The following MTUS2 variants were observed in gnomAD, a reference collection of about 807,000 sequenced individuals.
The protein encoded by MTUS2 is microtubule associated scaffold protein 2.
A neutral mutation model predicts 114.1 loss-of-function variants in MTUS2; 40 were observed. The ratio of observed to expected loss-of-function variants is 0.35; its 90% CI spans 0.27 to 0.46. The LOEUF is 0.46. MTUS2 is among the 20% of genes least tolerant of loss of function. The pLI is 1.00. For synonymous variants in MTUS2, 688 were observed against 672.0 expected, an observed-to-expected ratio of 1.02 and a Z score of -0.37; for missense variants, 1,679 against 1,705.4, an observed-to-expected ratio of 0.98 and a Z score of 0.27.
rs897033234 is a variant in MTUS2, at chr13:29,359,248, T to A, written c.2906-14T>A. Reference sequence around the variant, plus strand: ...TTTTCACAGGTGACCGGGGTTTGGTTTTCTTTCTCACAGGATACCCAAAGC... The same window carrying A: ...TTTTCACAGGTGACCGGGGTTTGGTATTCTTTCTCACAGGATACCCAAAGC... On this transcript the variant is annotated splice_polypyrimidine_tract_variant and intron_variant, in intron 7 of 15. Coordinates refer to ENST00000612955, the MANE Select transcript of MTUS2 (RefSeq NM_001033602.4). The A allele has an allele frequency of 1.3e-6, 2 of 1,580,532 alleles. No homozygotes were observed. The highest frequency in any genetic ancestry group is 1.7e-6 in the Non-Finnish European group (2 of 1,162,582).
intron 9 of MTUS2, among the ~76,000 whole-genome samples, chr13:29,444,032 T>G (rs1233893479): frequency 6.6e-6 from 1 of 152,206 alleles, no homozygotes; most frequent in African/African-American, 2.4e-5. Context: ...TTAAACTGTT[T>G]CATATCCATT....
chr13:29,082,171 A>G (rs1889473121), intron 4 of MTUS2, among the ~76,000 whole-genome samples: 1 of 152,220 alleles, frequency 6.6e-6, no homozygotes, highest in Non-Finnish European at 1.5e-5. Context: ...GGACACAGCA[A>G]TAAAGCTGCC....
chr13:29,311,920 A>G (rs776465714), intron 6 of MTUS2, among the ~76,000 whole-genome samples: 2 of 152,286 alleles, frequency 1.3e-5, no homozygotes, highest in Non-Finnish European at 2.9e-5. Flanking sequence ...GTGAAGTGGG[A>G]CATCATAGAG....
chr13:29,022,307 C>T (rs866102232), intron 2 of MTUS2, among the ~76,000 whole-genome samples: 19 of 152,154 alleles, frequency 1.2e-4, no homozygotes, highest in Admixed American at 1.0e-3. Context: ...ATGAGGATGG[C>T]TGCAAGGTGT....
chr13:28,976,352 T>C (rs1884106338), intron 2 of MTUS2, among the ~76,000 whole-genome samples: 1 of 152,128 alleles, frequency 6.6e-6, no homozygotes, highest in South Asian at 2.1e-4. Context: ...CAGTTTGATA[T>C]TACTAAATTA....
chr13:29,066,942 A>T (rs1888692659), intron 4 of MTUS2, among the ~76,000 whole-genome samples: 1 of 152,222 alleles, frequency 6.6e-6, no homozygotes, highest in African/African-American at 2.4e-5. Context: ...CAGGCTGAGC[A>T]TGGGCAAAGG....
intron 6 of MTUS2, among the ~76,000 whole-genome samples, chr13:29,285,477 C>T (rs150736527): frequency 8.5e-5 from 13 of 152,228 alleles, no homozygotes; most frequent in East Asian, 1.9e-4. Flanking sequence ...CCAGACTTTA[C>T]GAACTGTCCA....
chr13:29,271,859 G>T (rs1381122751), intron 5 of MTUS2, among the ~76,000 whole-genome samples: 1 of 152,146 alleles, frequency 6.6e-6, no homozygotes, highest in Non-Finnish European at 1.5e-5. Context: ...TCAATGTTTT[G>T]TGGATAGATG....
intron 4 of MTUS2, among the ~76,000 whole-genome samples, chr13:29,078,300 A>G (rs985162586): frequency 6.6e-6 from 1 of 152,192 alleles, no homozygotes; most frequent in Non-Finnish European, 1.5e-5. Context: ...CATACAAAAC[A>G]TTTATTCCAC....
intron 5 of MTUS2, among the ~76,000 whole-genome samples, chr13:29,200,153 T>C (rs1191789857): frequency 6.6e-6 from 1 of 152,162 alleles, no homozygotes; most frequent in East Asian, 1.9e-4. Context: ...CTGGATTCAT[T>C]GACTTTTTTT....
intron 4 of MTUS2, among the ~76,000 whole-genome samples, chr13:29,048,201 T>C (rs1484327755): frequency 6.6e-6 from 1 of 152,222 alleles, no homozygotes; most frequent in Non-Finnish European, 1.5e-5. Context: ...GACATTTTTT[T>C]CTCTACAGTT....
intron 5 of MTUS2, among the ~76,000 whole-genome samples, chr13:29,179,114 A>C (rs764745037): frequency 2.3e-4 from 35 of 152,204 alleles, no homozygotes; most frequent in Non-Finnish European, 5.0e-4. Flanking sequence ...GTTTTAATGT[A>C]ACATAAGCCA....
intron 2 of MTUS2, among the ~76,000 whole-genome samples, chr13:28,999,554 C>A (rs866801107): frequency 1.3e-5 from 2 of 152,124 alleles, no homozygotes; most frequent in Non-Finnish European, 2.9e-5. Context: ...TCAATATGTG[C>A]ATAATTGTGT....
In MTUS2 at chr13:29,389,533, A is replaced by G. The variant is rs538308078; in HGVS notation, c.3117+30060A>G. Among the ~76,000 whole-genome samples the G allele has an allele frequency of 1.0e-3, 25 of 24,622 alleles. 8 individuals are homozygous for G. Among genetic ancestry groups the G allele is most frequent in the African/African-American group, 1.6e-3 (23 of 14,486 alleles). 16.2% of individuals were successfully genotyped at this position (24,622 alleles called of 152,430 possible). A position where few individuals can be genotyped will look rare whatever the true frequency, so the allele number is the denominator to read the frequency against. On this transcript the variant is annotated intron_variant, in intron 8 of 15. Coordinates refer to ENST00000612955, the MANE Select transcript of MTUS2 (RefSeq NM_001033602.4). The stretch of plus-strand genomic sequence containing the variant: ...CGTGTGTGTATGTGTATATATGTAT[A>G]CACGTGTGTATATGTATACACGTGT...
intron 2 of MTUS2, among the ~76,000 whole-genome samples, chr13:28,976,261 G>A (rs2138274989): frequency 6.6e-6 from 1 of 151,956 alleles, no homozygotes; most frequent in African/African-American, 2.4e-5. Context: ...AATAAGATGG[G>A]AGGGTGTTCC....
chr13:28,973,830 T>C (rs1276183041), intron 2 of MTUS2, among the ~76,000 whole-genome samples: 1 of 152,232 alleles, frequency 6.6e-6, no homozygotes, highest in African/African-American at 2.4e-5. Flanking sequence ...AGCTAATATT[T>C]TGATACCTGA....
At chr13:28,893,626 T>C (rs1454761090) in intron 2 of MTUS2, among the ~76,000 whole-genome samples, 4 of 152,178 alleles carry the variant, frequency 2.6e-5, no homozygotes, top group South Asian at 2.1e-4. Flanking sequence ...TTCTGAAATA[T>C]AGGAACAGAA....
chr13:29,065,335 G>A (rs1179746813), intron 4 of MTUS2, among the ~76,000 whole-genome samples: 2 of 152,144 alleles, frequency 1.3e-5, no homozygotes, highest in Non-Finnish European at 2.9e-5. Flanking sequence ...ACTGGTGTAA[G>A]ATGGTATCTC....
intron 6 of MTUS2, among the ~76,000 whole-genome samples, chr13:29,294,302 A>C (rs183304347): frequency 2.0e-5 from 3 of 152,222 alleles, no homozygotes; most frequent in African/African-American, 4.8e-5. Flanking sequence ...ATATCCTAAT[A>C]ATTTTCCAAT....
Sources: gnomAD v4.1 joint callset for allele counts (sites outside exome capture counted in the v4.1 genomes callset) on GRCh38, gnomAD v4.1.1 for gene constraint, MANE v1.5 for transcripts, NCBI Gene and HGNC (gene_info 2026-07-23, HGNC 2026-07-21) for gene names.